Variants in COLEC12 observed in about 807,000 individuals in gnomAD.
The protein encoded by COLEC12 is collectin-12.
In COLEC12, 33 loss-of-function variants were observed where a neutral mutation model predicts 71.1. The ratio of observed to expected loss-of-function variants is 0.46; its 90% CI spans 0.35 to 0.62. The LOEUF (loss-of-function observed/expected upper bound fraction) is 0.62. Among genes scored for constraint, COLEC12 ranks in the 20% least tolerant of loss-of-function variants. The pLI is 0.00. For missense variants in COLEC12, 765 were observed against 916.1 expected (o/e 0.84, Z 2.13); for synonymous variants, 350 against 353.0 (o/e 0.99, Z 0.10).
At chr18:398,642 A>G (rs1377441100) in intron 2 of COLEC12, among the ~76,000 whole-genome samples, 1 of 152,244 alleles carries the variant, frequency 6.6e-6, no homozygotes, top group Non-Finnish European at 1.5e-5. Context: ...ACAGATGGGA[A>G]AAGCAAATTC....
In COLEC12 at chr18:471,338, C is replaced by CA. The variant is rs1232534012; in HGVS notation, c.58+9368_58+9369insT. Among the ~76,000 whole-genome samples the CA allele has an allele frequency of 5.1e-3, 736 of 145,484 alleles. 6 individuals are homozygous for CA. The highest frequency in any genetic ancestry group is 0.017 in the African/African-American group (682 of 40,028). On this transcript the variant is annotated intron_variant, in intron 2 of 9. Coordinates refer to ENST00000400256, the MANE Select transcript of COLEC12 (RefSeq NM_130386.3). Reference sequence around the variant, plus strand: ...GATTTGGAACTTTCTCATTTTTTTTCTTTTTTTTTTTAGTTCCTCTTCCAA... The same window carrying CA: ...GATTTGGAACTTTCTCATTTTTTTTCATTTTTTTTTTTAGTTCCTCTTCCAA...
Position 321,727 on chromosome 18 carries a change from C to G in COLEC12, c.2144G>C (p.Gly715Ala). The G allele has an allele frequency of 1.2e-6, 2 of 1,614,220 alleles. No individual in the cohort carries two copies. The highest frequency in any genetic ancestry group is 1.7e-6 in the Non-Finnish European group (2 of 1,180,040). ...GEDCAGLIYA[G>A]QWNDFQCEDV... ...TTCACATTGGAAATCGTTCCACTGCCCAGCATAAATCAACCCAGCACAGTC... is the reference window on the plus strand; with the variant it reads ...TTCACATTGGAAATCGTTCCACTGCGCAGCATAAATCAACCCAGCACAGTC... The change falls in exon 9 of 10, where the codon GGG becomes GCG. Residue 715 changes from glycine (G) to alanine (A), a missense_variant. Coordinates refer to ENST00000400256, the MANE Select transcript of COLEC12 (RefSeq NM_130386.3).
At chr18:420,047 C>T (rs1361505838) in intron 2 of COLEC12, among the ~76,000 whole-genome samples, 4 of 152,092 alleles carry the variant, frequency 2.6e-5, no homozygotes, top group Non-Finnish European at 5.9e-5. Flanking sequence ...CCAGGCCGCC[C>T]CCAGCAATTC....
chr18:439,340 A>G (rs1916467600), intron 2 of COLEC12, among the ~76,000 whole-genome samples: 1 of 152,196 alleles, frequency 6.6e-6, no homozygotes, highest in Non-Finnish European at 1.5e-5. Flanking sequence ...TACTGGTCAG[A>G]TGAATGAATG....
At chr18:498,224 G>A (rs1381209387) in intron 1 of COLEC12, among the ~76,000 whole-genome samples, 3 of 152,136 alleles carry the variant, frequency 2.0e-5, no homozygotes, top group Non-Finnish European at 4.4e-5. Context: ...AGTGTATATA[G>A]TACAGTGGCT....
intron 2 of COLEC12, among the ~76,000 whole-genome samples, chr18:428,396 C>T (rs1401575491): frequency 1.3e-5 from 2 of 152,262 alleles, no homozygotes; most frequent in South Asian, 2.1e-4. Flanking sequence ...AGTTCATTTA[C>T]ATTTGGTGTG....
At chr18:372,622 TG>T (rs2143539307) in intron 2 of COLEC12, among the ~76,000 whole-genome samples, 1 of 152,244 alleles carries the variant, frequency 6.6e-6, no homozygotes, top group South Asian at 2.1e-4. Flanking sequence ...TTCACCATAT[TG>T]CCCCGGCTGG....
intron 1 of COLEC12, among the ~76,000 whole-genome samples, chr18:491,801 C>G (rs1372816998): frequency 2.6e-5 from 4 of 152,196 alleles, no homozygotes; most frequent in Admixed American, 2.0e-4. Context: ...GTATTTTGGG[C>G]TGTAAAAACT....
chr18:431,192 G>A (rs984050705), intron 2 of COLEC12, among the ~76,000 whole-genome samples: 2 of 150,494 alleles, frequency 1.3e-5, no homozygotes, highest in African/African-American at 2.5e-5. Context: ...TGGTAGAGAC[G>A]AGGTCTTGTT....
chr18:341,981 C>A (rs895308837), intron 5 of COLEC12, among the ~76,000 whole-genome samples: 5 of 152,214 alleles, frequency 3.3e-5, no homozygotes, highest in Non-Finnish European at 7.3e-5. Context: ...TACCTAGAAG[C>A]ATGTGTGAGA....
intron 2 of COLEC12, among the ~76,000 whole-genome samples, chr18:389,866 C>T (rs1363714024): frequency 1.3e-5 from 2 of 152,170 alleles, no homozygotes; most frequent in Non-Finnish European, 2.9e-5. Flanking sequence ...AACCAACAAA[C>T]ATTAGCGGCT....
At chr18:400,143 G>T (rs1321686545) in intron 2 of COLEC12, among the ~76,000 whole-genome samples, 1 of 152,144 alleles carries the variant, frequency 6.6e-6, no homozygotes, top group Non-Finnish European at 1.5e-5. Flanking sequence ...CGGCCGGGGG[G>T]ATCTAGGAGA....
At position 337,108 on chromosome 18, in the gene COLEC12, C is replaced by T. The variant is rs536212823; in HGVS notation, c.1328-1878G>A. ...CTGACCTCGAATTCCTGGCTTCAAG[C>T]GATCCTCCCCCATCGGACTCTCCAA... On this transcript the variant is annotated intron_variant, in intron 5 of 9. Transcript: ENST00000400256. Among the ~76,000 whole-genome samples, 26 of 151,970 alleles carry T rather than the reference C, an allele frequency of 1.7e-4. No homozygotes were observed. The East Asian group carries it at 4.5e-3, about 26-fold the overall frequency.
intron 2 of COLEC12, among the ~76,000 whole-genome samples, chr18:426,837 G>A (rs1331793387): frequency 1.3e-5 from 2 of 152,150 alleles, no homozygotes; most frequent in South Asian, 4.1e-4. Context: ...CAGAGGTTCC[G>A]AAGGATTCGA....
At chr18:497,539 G>A (rs923970805) in intron 1 of COLEC12, among the ~76,000 whole-genome samples, 8 of 152,202 alleles carry the variant, frequency 5.3e-5, no homozygotes, top group Non-Finnish European at 7.4e-5. Context: ...CAAGTAGCTG[G>A]GACTACAGGC....
chr18:498,482 C>T (rs751958165), intron 1 of COLEC12, among the ~76,000 whole-genome samples: 17 of 151,704 alleles, frequency 1.1e-4, no homozygotes, highest in Non-Finnish European at 2.2e-4. Context: ...GCCTCAGCCT[C>T]TCAAGTAGCT....
intron 2 of COLEC12, among the ~76,000 whole-genome samples, chr18:454,374 C>T (rs1372895311): frequency 6.6e-6 from 1 of 152,160 alleles, no homozygotes; most frequent in Non-Finnish European, 1.5e-5. Context: ...CTTTCCTAAC[C>T]ACCCTATCTA....
intron 5 of COLEC12, among the ~76,000 whole-genome samples, chr18:343,623 T>C (rs1483242624): frequency 3.9e-5 from 6 of 152,110 alleles, no homozygotes; most frequent in Non-Finnish European, 8.8e-5. Context: ...CCTGACCTTC[T>C]AGGCTCTCTC....
At chr18:355,775 A>G (rs1438999043) in intron 3 of COLEC12, among the ~76,000 whole-genome samples, 1 of 152,116 alleles carries the variant, frequency 6.6e-6, no homozygotes, top group Non-Finnish European at 1.5e-5. Context: ...ATCTAAACAA[A>G]AGGAAGAGAG....
Sources: gnomAD v4.1 joint callset for allele counts (sites outside exome capture counted in the v4.1 genomes callset) on GRCh38, gnomAD v4.1.1 for gene constraint, MANE v1.5 for transcripts, NCBI Gene and HGNC (gene_info 2026-07-23, HGNC 2026-07-21) for gene names.